Variants in ARHGEF3 observed in about 807,000 individuals in gnomAD.
The protein encoded by ARHGEF3 is 59.8 kDA protein.
Under a neutral mutation model 63.2 loss-of-function variants are expected in ARHGEF3, and 28 were observed. The ratio of observed to expected loss-of-function variants is 0.44; its 90% CI spans 0.33 to 0.61. The LOEUF is 0.61. ARHGEF3 is among the 20% of genes least tolerant of loss of function. The pLI, the probability that ARHGEF3 is intolerant of heterozygous loss-of-function variation, is 0.03. For missense variants in ARHGEF3, 533 were observed against 659.3 expected, an observed-to-expected ratio of 0.81 and a Z score of 2.10; for synonymous variants, 266 against 254.2, an observed-to-expected ratio of 1.05 and a Z score of -0.44.
At chr3:56,951,720 T>C (rs1486693071) in intron 3 of ARHGEF3, among the ~76,000 whole-genome samples, 2 of 152,068 alleles carry the variant, frequency 1.3e-5, no homozygotes, top group Non-Finnish European at 2.9e-5. Flanking sequence ...ACTGTTTTCC[T>C]ATTAGATTTT....
chr3:56,915,766 C>T (rs1377658045), intron 3 of ARHGEF3, among the ~76,000 whole-genome samples: 1 of 152,172 alleles, frequency 6.6e-6, no homozygotes, highest in African/African-American at 2.4e-5. Flanking sequence ...GGGAAATCTA[C>T]AAAACAGTTG....
intron 3 of ARHGEF3, among the ~76,000 whole-genome samples, chr3:56,920,228 A>G (rs574128843): frequency 1.3e-5 from 2 of 152,332 alleles, no homozygotes; most frequent in South Asian, 4.1e-4. Flanking sequence ...GAAACTACCT[A>G]TAGGGTGCCT....
At chr3:57,011,378 A>G (rs968864836) in intron 2 of ARHGEF3, among the ~76,000 whole-genome samples, 1 of 152,212 alleles carries the variant, frequency 6.6e-6, no homozygotes, top group Non-Finnish European at 1.5e-5. Flanking sequence ...AGTTGCTCTC[A>G]ATCCCCACTG....
chr3:56,942,686 T>C (rs1179176187), intron 3 of ARHGEF3, among the ~76,000 whole-genome samples: 1 of 152,226 alleles, frequency 6.6e-6, no homozygotes, highest in Non-Finnish European at 1.5e-5. Flanking sequence ...ATGTCCAAAG[T>C]TGAGGCAGGC....
At chr3:57,077,893 A>G (rs984254270) in intron 1 of ARHGEF3, among the ~76,000 whole-genome samples, 1 of 152,178 alleles carries the variant, frequency 6.6e-6, no homozygotes, top group Admixed American at 6.5e-5. Context: ...AGCAAAGCTC[A>G]AATTTCCCAG....
At chr3:56,966,594 G>T (rs1700504855) in intron 2 of ARHGEF3, among the ~76,000 whole-genome samples, 1 of 152,154 alleles carries the variant, frequency 6.6e-6, no homozygotes, top group Non-Finnish European at 1.5e-5. Context: ...TGGCCATAGG[G>T]TGATGGGGTT....
chr3:57,012,375 C>T (rs1702739252), intron 2 of ARHGEF3, among the ~76,000 whole-genome samples: 1 of 152,158 alleles, frequency 6.6e-6, no homozygotes, highest in South Asian at 2.1e-4. Context: ...TCTCTTGCCT[C>T]AGCCTCCGGA....
At chr3:56,756,931 C>T (rs945540727) in intron 2 of ARHGEF3, among the ~76,000 whole-genome samples, 1 of 152,172 alleles carries the variant, frequency 6.6e-6, no homozygotes. Flanking sequence ...ATTCTCCCAT[C>T]CTCCTCCCCC....
chr3:56,749,115 A>T (rs1451664260), intron 6 of ARHGEF3, among the ~76,000 whole-genome samples: 1 of 152,166 alleles, frequency 6.6e-6, no homozygotes, highest in Non-Finnish European at 1.5e-5. Flanking sequence ...AACATTTAAC[A>T]GCTTGTCAGG....
At chr3:57,012,897 A>C (rs1702762442) in intron 2 of ARHGEF3, among the ~76,000 whole-genome samples, 1 of 152,200 alleles carries the variant, frequency 6.6e-6, no homozygotes, top group Non-Finnish European at 1.5e-5. Flanking sequence ...AAGCATGGGC[A>C]GGAACCGGGG....
At chr3:56,904,665 G>A (rs913469200) in intron 3 of ARHGEF3, among the ~76,000 whole-genome samples, 15 of 152,128 alleles carry the variant, frequency 9.9e-5, no homozygotes, top group African/African-American at 2.7e-4. Flanking sequence ...CAATCAAGCT[G>A]CTATGATTTG....
Position 56,907,393 on chromosome 3 carries a change from T to G in ARHGEF3, c.130-25039A>C, listed in dbSNP as rs368185874. On this transcript the variant is annotated intron_variant, in intron 3 of 12. Coordinates refer to the ARHGEF3 transcript ENST00000338458. ...TAAATGCAGTTATTTGCTTATACAC[T>G]GTTGGTGGGAGTGTAAACTAGTTCA... Among the ~76,000 whole-genome samples the G allele has an allele frequency of 1.0e-3, 153 of 152,320 alleles. 6 individuals are homozygous for G. In the South Asian group the frequency reaches 0.025, roughly 25 times the overall value.
chr3:57,001,923 T>C (rs1219642895), intron 2 of ARHGEF3, among the ~76,000 whole-genome samples: 3 of 66,536 alleles, frequency 4.5e-5, no homozygotes, highest in Non-Finnish European at 9.4e-5. Context: ...TAGTTTTTTT[T>C]TTTTTTGTTT....
chr3:57,005,072 G>T (rs751987732), intron 2 of ARHGEF3, among the ~76,000 whole-genome samples: 13 of 152,014 alleles, frequency 8.6e-5, no homozygotes, highest in Non-Finnish European at 1.5e-4. Context: ...ATCTGCAAGG[G>T]ATCTCAGCCC....
rs533557582 is a variant in ARHGEF3 at position 57,001,586 on chromosome 3, A to G, written c.62+33502T>C. On this transcript the variant is annotated intron_variant, in intron 2 of 12. Coordinates refer to the ARHGEF3 transcript ENST00000338458. ...TTCAGTTCTGGCCAAATATGTAAAC[A>G]GAAATCTGCTGGGATTCCTGAAAGA... is the stretch of plus-strand genomic sequence containing the variant. 2.6e-5 allele frequency among the ~76,000 whole-genome samples: 4 copies of G among 152,338 alleles called. No individual in the cohort carries two copies. The East Asian group carries it at 7.7e-4, about 29-fold the overall frequency.
chr3:56,751,207 T>C, intron 5 of ARHGEF3, 75 bp from the exon 6 acceptor site: 1 of 1,559,316 alleles, frequency 6.4e-7, no homozygotes, highest in Non-Finnish European at 8.8e-7. Context: ...TTCTGGGTTA[T>C]TCACATTGCA....
chr3:56,993,996 G>A (rs139553707), intron 2 of ARHGEF3, among the ~76,000 whole-genome samples: 9,144 of 142,234 alleles, frequency 0.064, 324 homozygotes, highest in Middle Eastern at 0.16. Context: ...CCCGGGAGGC[G>A]GAAGTTGCAG....
chr3:57,067,492 T>TAATAATAC (rs1705616678), intron 1 of ARHGEF3, among the ~76,000 whole-genome samples: 1 of 100,174 alleles, frequency 1.0e-5, no homozygotes, highest in East Asian at 6.1e-4. Context: ...AATAATAATA[T>TAATAATAC]TTGTCTATAT....
chr3:57,015,546 G>A (rs897516751), intron 2 of ARHGEF3, among the ~76,000 whole-genome samples: 2 of 138,932 alleles, frequency 1.4e-5, no homozygotes, highest in Non-Finnish European at 3.2e-5. Flanking sequence ...CTATCCTCCC[G>A]CCTCAGCCTC....
Sources: gnomAD v4.1 joint callset for allele counts (sites outside exome capture counted in the v4.1 genomes callset) on GRCh38, gnomAD v4.1.1 for gene constraint, MANE v1.5 for transcripts, NCBI Gene and HGNC (gene_info 2026-07-23, HGNC 2026-07-21) for gene names.